Variants in NCOA1 observed in about 807,000 individuals in gnomAD.
The protein encoded by NCOA1 is Hin-2 protein.
NCOA1 carries 35 observed loss-of-function variants against 150.9 expected under a neutral mutation model. The observed-to-expected ratio is 0.23, with a 90% CI of 0.18 to 0.31. NCOA1 has a LOEUF of 0.31. Ranked by LOEUF, NCOA1 falls within the 10% of genes least tolerant of loss-of-function variation. The pLI, the probability that NCOA1 is intolerant of heterozygous loss-of-function variation, is 1.00. For missense variants in NCOA1, 1,491 were observed against 1,749.3 expected (o/e 0.85, Z 2.63); for synonymous variants, 590 against 630.0 (o/e 0.94, Z 0.95).
intron 2 of NCOA1, among the ~76,000 whole-genome samples, chr2:24,571,892 A>C (rs916273384): frequency 1.3e-5 from 2 of 152,148 alleles, no homozygotes; most frequent in African/African-American, 2.4e-5. Context: ...ATCTGTAAGC[A>C]GTTCATTCAT....
intron 1 of NCOA1, among the ~76,000 whole-genome samples, chr2:24,552,113 G>T (rs1275776995): frequency 6.6e-6 from 1 of 151,498 alleles, no homozygotes; most frequent in African/African-American, 2.4e-5. Context: ...TTTTTGAAAA[G>T]TGTTTTGACT....
chr2:24,699,969 A>G (rs947082490), intron 11 of NCOA1, among the ~76,000 whole-genome samples: 3 of 151,652 alleles, frequency 2.0e-5, no homozygotes, highest in African/African-American at 7.3e-5. Context: ...ACTTGGAGAA[A>G]CCCCATCTCC....
chr2:24,616,783 G>A (rs1007420523), intron 3 of NCOA1, among the ~76,000 whole-genome samples: 3 of 152,160 alleles, frequency 2.0e-5, no homozygotes, highest in Non-Finnish European at 4.4e-5. Flanking sequence ...AGAGCAGTTA[G>A]TGTGGGTATT....
At chr2:24,557,173 T>TC (rs1666105139) in intron 1 of NCOA1, among the ~76,000 whole-genome samples, 1 of 150,950 alleles carries the variant, frequency 6.6e-6, no homozygotes, top group Non-Finnish European at 1.5e-5. Context: ...AACGGTGGGT[T>TC]GGGGCGGGAA....
chr2:24,628,071 G>C (rs1040633130), intron 3 of NCOA1, among the ~76,000 whole-genome samples: 2 of 152,062 alleles, frequency 1.3e-5, no homozygotes, highest in Admixed American at 6.6e-5. Context: ...AGGCTGAGGC[G>C]GGTGGAGGAC....
chr2:24,673,855 G>A (rs965550249), intron 7 of NCOA1, among the ~76,000 whole-genome samples: 7 of 152,132 alleles, frequency 4.6e-5, no homozygotes, highest in Non-Finnish European at 8.8e-5. Flanking sequence ...GTTTATTGCA[G>A]TACGTGATTT....
At chr2:24,694,224 T>C (rs1572602767) in intron 10 of NCOA1, among the ~76,000 whole-genome samples, 1 of 152,348 alleles carries the variant, frequency 6.6e-6, no homozygotes, top group East Asian at 1.9e-4. Context: ...TACTGTTCTT[T>C]ATAGTTGATG....
intron 1 of NCOA1, among the ~76,000 whole-genome samples, chr2:24,555,172 A>T (rs1349798321): frequency 6.6e-6 from 1 of 152,122 alleles, no homozygotes; most frequent in East Asian, 1.9e-4. Flanking sequence ...TTTAATTTTC[A>T]CTCAATTAAA....
chr2:24,533,202 C>G (rs985980797), intron 1 of NCOA1, among the ~76,000 whole-genome samples: 5 of 152,058 alleles, frequency 3.3e-5, no homozygotes, highest in Non-Finnish European at 7.4e-5. Context: ...GTATTTTATT[C>G]TCTTTGTAGC....
chr2:24,736,874 T>A (rs1019496626), intron 17 of NCOA1, among the ~76,000 whole-genome samples: 1 of 152,158 alleles, frequency 6.6e-6, no homozygotes, highest in Non-Finnish European at 1.5e-5. Context: ...CACCCCTAGT[T>A]GAGAACCTCT....
chr2:24,613,494 C>G (rs56202022), intron 3 of NCOA1, among the ~76,000 whole-genome samples: 9,345 of 152,216 alleles, frequency 0.061, 310 homozygotes, highest in East Asian at 0.11. Context: ...CACCAAGCAC[C>G]CAGAGGTGGT....
chr2:24,676,996 A>G (rs188008615), intron 7 of NCOA1, among the ~76,000 whole-genome samples: 47 of 152,346 alleles, frequency 3.1e-4, no homozygotes, highest in Non-Finnish European at 6.0e-4. Flanking sequence ...TACAGCTGGT[A>G]TCCCTGACAA....
intron 1 of NCOA1, among the ~76,000 whole-genome samples, chr2:24,537,418 A>G (rs972386433): frequency 6.6e-6 from 1 of 152,004 alleles, no homozygotes; most frequent in African/African-American, 2.4e-5. Flanking sequence ...GAGATTATAT[A>G]TATATGTGTG....
intron 7 of NCOA1, chr2:24,676,369 C>G (rs1272275252): frequency 6.6e-6 from 1 of 152,262 alleles, no homozygotes; most frequent in African/African-American, 2.4e-5. Context: ...TTATCATGGC[C>G]TCTGCACAAA....
intron 2 of NCOA1, among the ~76,000 whole-genome samples, chr2:24,582,282 A>G (rs151220704): frequency 0.014 from 2,127 of 152,302 alleles, 50 homozygotes; most frequent in African/African-American, 0.049. Flanking sequence ...TACAAAATCA[A>G]CATACAAAAA....
intron 1 of NCOA1, among the ~76,000 whole-genome samples, chr2:24,544,289 G>A (rs1665518760): frequency 6.6e-6 from 1 of 152,134 alleles, no homozygotes; most frequent in African/African-American, 2.4e-5. Flanking sequence ...TTGGATAAGT[G>A]GGTTTGAAGT....
intron 18 of NCOA1, 117 bp from the exon 19 acceptor site, chr2:24,741,667 A>G (rs1350704833): frequency 8.9e-7 from 1 of 1,124,872 alleles, no homozygotes; most frequent in Admixed American, 2.9e-5. Context: ...TCCCTTGTAC[A>G]GTGATAATTG....
At chr2:24,723,506 T>C (rs886179458) in intron 14 of NCOA1, among the ~76,000 whole-genome samples, 10 of 152,220 alleles carry the variant, frequency 6.6e-5, no homozygotes, top group Non-Finnish European at 1.2e-4. Flanking sequence ...TTTCCAGCAG[T>C]TGTTTCAGCT....
chr2:24,760,219 A>C (rs550289661), intron 21 of NCOA1, among the ~76,000 whole-genome samples: 1 of 147,068 alleles, frequency 6.8e-6, no homozygotes, highest in Admixed American at 6.8e-5. Flanking sequence ...AGCTCACTGC[A>C]ACCTCCACCT....
Sources: gnomAD v4.1 joint callset for allele counts (sites outside exome capture counted in the v4.1 genomes callset) on GRCh38, gnomAD v4.1.1 for gene constraint, MANE v1.5 for transcripts, NCBI Gene and HGNC (gene_info 2026-07-23, HGNC 2026-07-21) for gene names.